The following PDE9A variants were observed in gnomAD, a reference collection of about 807,000 sequenced individuals.
PDE9A encodes the protein high affinity cGMP-specific 3',5'-cyclic phosphodiesterase 9A.
Under a neutral mutation model 87.4 loss-of-function variants are expected in PDE9A, and 60 were observed. The observed-to-expected ratio is 0.69, with a 90% CI of 0.56 to 0.85. The LOEUF is 0.85. Among genes scored for constraint, PDE9A ranks in the 40% least tolerant of loss-of-function variants. PDE9A has a pLI of 0.00. For missense variants in PDE9A, 665 were observed against 779.0 expected, an observed-to-expected ratio of 0.85 and a Z score of 1.74; for synonymous variants, 272 against 279.4, an observed-to-expected ratio of 0.97 and a Z score of 0.27.
chr21:42,767,695 C>T (rs879723981), intron 15 of PDE9A, among the ~76,000 whole-genome samples: 21 of 152,316 alleles, frequency 1.4e-4, no homozygotes, highest in African/African-American at 4.3e-4. Flanking sequence ...TCCAGACACT[C>T]ATTTGTGCCC....
chr21:42,760,251 C>A lies in PDE9A; in HGVS notation c.898-77C>A. 1 of 823,016 alleles carries A rather than the reference C, an allele frequency of 1.2e-6. No individual in the cohort carries two copies. The highest frequency in any genetic ancestry group is 2.1e-6 in the Non-Finnish European group (1 of 480,064). The allele number at this position is 823,016 out of a possible 1,614,324, so 51.0% of individuals were successfully genotyped here. ...GGCAGAGAATGTTCAAACCAGCGCA[C>A]AGCCTTCTGGGTGGCTTTGGGAGGA... On this transcript the variant is annotated intron_variant, in intron 11 of 19. Transcript: ENST00000291539. This position sits in a 1 kb window ranked among gnomAD's most constrained non-coding sequence, Gnocchi z 5.2.
intron 6 of PDE9A, among the ~76,000 whole-genome samples, chr21:42,733,062 GCC>G (rs1479120663): frequency 6.6e-6 from 1 of 152,258 alleles, no homozygotes; most frequent in Non-Finnish European, 1.5e-5. Flanking sequence ...CAGAGAGAGG[GCC>G]ATGTGTCCAC....
chr21:42,747,374 T>C (rs1396585812), intron 8 of PDE9A, among the ~76,000 whole-genome samples: 1 of 152,062 alleles, frequency 6.6e-6, no homozygotes, highest in Non-Finnish European at 1.5e-5. Flanking sequence ...TTCTTGCCTC[T>C]GGGAAGAGAA....
chr21:42,742,457 C>CTTTTT (rs60925435), intron 7 of PDE9A, among the ~76,000 whole-genome samples: 1 of 71,524 alleles, frequency 1.4e-5, no homozygotes, highest in East Asian at 5.5e-4. Context: ...AAGCTGTCTG[C>CTTTTT]TTTTTTTTTT....
intron 7 of PDE9A, among the ~76,000 whole-genome samples, chr21:42,737,043 C>T (rs2052532278): frequency 6.6e-6 from 1 of 152,216 alleles, no homozygotes. Context: ...ACGGAAAGTC[C>T]TTTTGAGGAG....
At chr21:42,653,984 C>A in intron 1 of PDE9A, 101 bp downstream of exon 1, 1 of 464,116 alleles carries the variant, frequency 2.2e-6, no homozygotes, top group Non-Finnish European at 3.7e-6. Context: ...CCGGTCCAGG[C>A]TGCGGCCTCC....
chr21:42,745,642 G>T (rs2053764933), intron 8 of PDE9A, among the ~76,000 whole-genome samples: 1 of 152,216 alleles, frequency 6.6e-6, no homozygotes, highest in South Asian at 2.1e-4. Context: ...GCTCTACGTG[G>T]CTTGGTTCAG....
At chr21:42,666,192 C>G (rs1241912315) in intron 1 of PDE9A, among the ~76,000 whole-genome samples, 1 of 152,144 alleles carries the variant, frequency 6.6e-6, no homozygotes, top group Non-Finnish European at 1.5e-5. Flanking sequence ...CAAGAAAGGG[C>G]GTGGCTGCAG....
chr21:42,764,694 G>T (rs1294588259), intron 14 of PDE9A, among the ~76,000 whole-genome samples: 5 of 152,194 alleles, frequency 3.3e-5, no homozygotes, highest in African/African-American at 1.2e-4. Flanking sequence ...CTCTCCTCTG[G>T]GGGTAAAATT....
At chr21:42,771,698 C>T (rs531906046) in intron 18 of PDE9A, among the ~76,000 whole-genome samples, 3 of 152,232 alleles carry the variant, frequency 2.0e-5, no homozygotes, top group East Asian at 3.9e-4. Flanking sequence ...ATTTTCCAGG[C>T]GTAGCCTTGG....
chr21:42,705,503 C>T lies in PDE9A; in HGVS notation c.262+6492C>T, dbSNP rs1010298471. Among the ~76,000 whole-genome samples, 9 of 152,104 alleles carry T rather than the reference C, an allele frequency of 5.9e-5. No homozygotes were observed. The highest frequency in any genetic ancestry group is 3.9e-4 in the East Asian group (2 of 5,166). On this transcript the variant is annotated intron_variant, in intron 4 of 19. Transcript: ENST00000291539. This position sits in a 1 kb window ranked among gnomAD's most constrained non-coding sequence, Gnocchi z 4.3. ...GATTGGGTGCTGTGATCACAGCACG[C>T]GGGAAAAGGACAGGGCCTCCCTCAG... is the stretch of plus-strand genomic sequence containing the variant.
In PDE9A at chr21:42,760,490, C is replaced by T; in HGVS notation, c.1002+58C>T. On this transcript the variant is annotated intron_variant, in intron 12 of 19. Coordinates refer to ENST00000291539, the MANE Select transcript of PDE9A (RefSeq NM_002606.3). The surrounding 1 kb of genome is among the most constrained non-coding windows in gnomAD (Gnocchi z 5.2). ...ACTCTCGGGGGTCAGACGGAGGCCC[C>T]CTTCCAGGGAGCGGCAGCCCCATCC... 1 of 1,085,174 alleles carries T rather than the reference C, an allele frequency of 9.2e-7. No homozygotes were observed. The allele number at this position is 1,085,174 out of a possible 1,614,324, so 67.2% of individuals were successfully genotyped here.
At chr21:42,682,075 C>T (rs991434787) in intron 1 of PDE9A, among the ~76,000 whole-genome samples, 1 of 152,236 alleles carries the variant, frequency 6.6e-6, no homozygotes, top group African/African-American at 2.4e-5. Flanking sequence ...TGCCCAAACT[C>T]GCACCCACTT....
At chr21:42,685,768 T>TTTTTTTC (rs1373505119) in intron 1 of PDE9A, among the ~76,000 whole-genome samples, 48 of 152,116 alleles carry the variant, frequency 3.2e-4, no homozygotes, top group African/African-American at 1.1e-3. Flanking sequence ...GCGCCCGGCC[T>TTTTTTTC]TTTTTTCTTT....
rs1014300777 is a variant in PDE9A, at chr21:42,692,759, T to A, written c.218+4765T>A. ...GTGACGTTACTGGCCTTTTCTTTTT[T>A]GGCCCTGCCTCCCCCTTGGCTTCTC... On this transcript the variant is annotated intron_variant, in intron 3 of 19. Transcript: ENST00000291539. The surrounding 1 kb of genome is among the most constrained non-coding windows in gnomAD (Gnocchi z 4.3). Among the ~76,000 whole-genome samples the A allele has an allele frequency of 6.6e-6, 1 of 152,150 alleles. No homozygotes were observed. The highest frequency in any genetic ancestry group is 1.5e-5 in the Non-Finnish European group (1 of 68,012).
chr21:42,708,192 A>T (rs2048999437), intron 4 of PDE9A, among the ~76,000 whole-genome samples: 1 of 152,236 alleles, frequency 6.6e-6, no homozygotes, highest in Admixed American at 6.5e-5. Context: ...AAAAGACTGC[A>T]GTGTATAAAT....
intron 1 of PDE9A, among the ~76,000 whole-genome samples, chr21:42,677,030 C>T (rs912376473): frequency 6.6e-6 from 1 of 152,182 alleles, no homozygotes; most frequent in South Asian, 2.1e-4. Context: ...GAGCAGAGCC[C>T]GCTCTTCCCT....
rs1399221581 is a variant in PDE9A at position 42,695,177 on chromosome 21, C to A, written c.219-3791C>A. 6.6e-6 allele frequency among the ~76,000 whole-genome samples: 1 copy of A among 152,218 alleles called. No homozygotes were observed. The highest frequency in any genetic ancestry group is 1.5e-5 in the Non-Finnish European group (1 of 68,046). ...GATTGGCTTCCACTCCCTTTTAGAG[C>A]TGGCAAGAAAAATAATTGATGACTA... On this transcript the variant is annotated intron_variant, in intron 3 of 19. Transcript: ENST00000291539. The surrounding 1 kb of genome is among the most constrained non-coding windows in gnomAD (Gnocchi z 4.3).
intron 1 of PDE9A, among the ~76,000 whole-genome samples, chr21:42,681,742 A>G (rs2059177325): frequency 6.6e-6 from 1 of 152,234 alleles, no homozygotes; most frequent in South Asian, 2.1e-4. Flanking sequence ...CGTAAGCTCC[A>G]GCCCTGACTC....
Sources: gnomAD v4.1 joint callset for allele counts (sites outside exome capture counted in the v4.1 genomes callset) on GRCh38, gnomAD v4.1.1 for gene constraint, Gnocchi (gnomAD v3.1) non-coding constraint, MANE v1.5 for transcripts, NCBI Gene and HGNC (gene_info 2026-07-23, HGNC 2026-07-21) for gene names.